MYO18B: variants seen among roughly 807,000 people sequenced by gnomAD.
MYO18B encodes the protein myosin XVIIIB.
A neutral mutation model predicts 273.0 loss-of-function variants in MYO18B; 204 were observed. The observed-to-expected ratio is 0.75, with a 90% CI of 0.67 to 0.84. MYO18B has a LOEUF of 0.84. Among genes scored for constraint, MYO18B ranks in the 40% least tolerant of loss-of-function variants. MYO18B has a pLI of 0.00. For missense variants in MYO18B, 3,212 were observed against 3,287.6 expected (o/e 0.98, Z 0.56); for synonymous variants, 1,330 against 1,305.7 (o/e 1.02, Z -0.40).
Position 25,760,758 on chromosome 22 carries a change from C to T in MYO18B, c.-109-226C>T, listed in dbSNP as rs133877. Among the ~76,000 whole-genome samples the T allele has an allele frequency of 5.0e-3, 762 of 152,340 alleles. 12 individuals carry two copies. The highest frequency in any genetic ancestry group is 0.017 in the African/African-American group (720 of 41,568). ...TGATATATTTTTCTGGTTGTATAAA[C>T]GTGTGGGGCCAAGAGGAAGAATATT... On this transcript the variant is annotated intron_variant, in intron 1 of 43. Coordinates refer to ENST00000335473, the MANE Select transcript of MYO18B (RefSeq NM_032608.7).
the MYO18B span, among the ~76,000 whole-genome samples, chr22:26,050,531 T>C: frequency 3.3e-5 from 5 of 152,168 alleles, no homozygotes; most frequent in African/African-American, 1.2e-4. Flanking sequence ...TCTGGGGATG[T>C]ATCATTATTA....
In MYO18B at chr22:25,769,329, G is replaced by A. The variant is rs2086630038; in HGVS notation, c.1413G>A (p.Leu471=). 2.5e-6 allele frequency: 4 copies of A among 1,578,324 alleles called. No individual in the cohort carries two copies. The highest frequency in any genetic ancestry group is 2.3e-5 in the South Asian group (2 of 85,948). The part of the protein sequence containing the change: ...TELEGPSQPA[L]EKDAERPRIR... The stretch of plus-strand genomic sequence containing the variant: ...TGGAAGGACCCAGCCAGCCTGCTCT[G>A]GAGAAGGATGCAGAAAGGCCTCGGA... Residue 471 remains leucine, a synonymous_variant, in exon 4 of 44, where the codon CTG becomes CTA. Coordinates refer to ENST00000335473, the MANE Select transcript of MYO18B (RefSeq NM_032608.7).
downstream of MYO18B, among the ~76,000 whole-genome samples, chr22:26,034,579 T>C (rs1243994728): frequency 1.3e-5 from 2 of 152,228 alleles, no homozygotes; most frequent in African/African-American, 4.8e-5. Context: ...GCTCCAACCA[T>C]ATGGCTGTGC....
In MYO18B at chr22:25,769,021, C is replaced by A. The variant is rs1357787603; in HGVS notation, c.1105C>A (p.Leu369Met). The A allele has an allele frequency of 6.2e-7, 1 of 1,611,322 alleles. No individual in the cohort carries two copies. Among genetic ancestry groups the A allele is most frequent in the South Asian group, 1.1e-5 (1 of 90,416 alleles). The change falls in exon 4 of 44, where the codon CTG (leucine) becomes ATG (methionine). Residue 369 changes from leucine to methionine, a missense_variant. Leu to Met is a conservative substitution (Grantham distance 15, BLOSUM62 2). Transcript: ENST00000335473. The part of the protein sequence containing the change: ...SQVQGELGDD[L>M]RMGEKAGELR... Reference sequence around the variant, plus strand: ...AGTGCAGGGCGAGTTGGGGGACGATCTGAGAATGGGGGAGAAAGCAGGTGA... The same window carrying A: ...AGTGCAGGGCGAGTTGGGGGACGATATGAGAATGGGGGAGAAAGCAGGTGA...
In MYO18B at chr22:26,003,392, AT is replaced by A; in HGVS notation, c.6332+84del. On this transcript the variant is annotated intron_variant, in intron 41 of 43. Coordinates refer to ENST00000335473, the MANE Select transcript of MYO18B (RefSeq NM_032608.7). ...TGTCCAGTTTGCAGAGGGAACATCC[AT>A]GTCCACTTGGAGAATTATCAGTGAT... 3.3e-6 allele frequency: 4 copies of A among 1,219,714 alleles called. No individual in the cohort carries two copies. The South Asian group carries it at 3.9e-5, about 12-fold the overall frequency. 75.6% of individuals were successfully genotyped at this position (1,219,714 alleles called of 1,614,324 possible). A position where few individuals can be genotyped will look rare whatever the true frequency, so the allele number is the denominator to read the frequency against.
Position 25,763,353 on chromosome 22 carries a change from G to C in MYO18B, c.162G>C (p.Gln54His), listed in dbSNP as rs1440524516. ...AAAAAGAGGCCAAGGAAGCGAGACA[G>C]AGGAAGCAGTTAGCTGTCGCCTCTC... ...GTEKEAKEAR[Q>H]RKQLAVASPE... Residue 54 changes from glutamine to histidine, a missense_variant, in exon 3 of 44, where the codon CAG becomes CAC. By Grantham distance (24) the Gln-to-His change is conservative. Coordinates refer to ENST00000335473, the MANE Select transcript of MYO18B (RefSeq NM_032608.7). 3 of 1,612,718 alleles carry C rather than the reference G, an allele frequency of 1.9e-6. No individual in the cohort carries two copies. Among genetic ancestry groups the C allele is most frequent in the Non-Finnish European group, 2.5e-6 (3 of 1,179,672 alleles).
At chr22:25,967,004 C>T (rs1327448835) in intron 39 of MYO18B, among the ~76,000 whole-genome samples, 1 of 152,154 alleles carries the variant, frequency 6.6e-6, no homozygotes, top group African/African-American at 2.4e-5. Flanking sequence ...CGACTTGTGG[C>T]TTTGTTTCTG....
chr22:25,781,816 G>T lies in MYO18B; in HGVS notation c.2294G>T (p.Gly765Val). The T allele has an allele frequency of 6.3e-7, 1 of 1,587,578 alleles. No individual in the cohort carries two copies. Among genetic ancestry groups the T allele is most frequent in the Non-Finnish European group, 8.6e-7 (1 of 1,168,502 alleles). The change falls in exon 10 of 44, where the codon GGA (glycine) becomes GTA (valine). Residue 765 changes from glycine (G) to valine (V), a missense_variant. Transcript: ENST00000335473. ...NFLVFSQMLAGLDLDLRTELN... is the reference protein window; with the variant it reads ...NFLVFSQMLAVLDLDLRTELN... Reference sequence around the variant, plus strand: ...CTGGTTTTCTCCCAGATGCTGGCTGGATTGGACTTGGATCTCAGGTGAGCA... The same window carrying T: ...CTGGTTTTCTCCCAGATGCTGGCTGTATTGGACTTGGATCTCAGGTGAGCA...
At chr22:25,838,827 G>T (rs1450574346) in intron 17 of MYO18B, among the ~76,000 whole-genome samples, 2 of 152,082 alleles carry the variant, frequency 1.3e-5, no homozygotes, top group African/African-American at 2.4e-5. Context: ...GTGTATGTGT[G>T]TATGTCTGTG....
At chr22:25,869,273 A>T (rs985729797) in intron 22 of MYO18B, among the ~76,000 whole-genome samples, 2 of 151,914 alleles carry the variant, frequency 1.3e-5, no homozygotes, top group Non-Finnish European at 2.9e-5. Context: ...ACATGGTGAA[A>T]CCCCCATCTC....
At chr22:25,937,750 TG>T (rs1381981860) in intron 34 of MYO18B, among the ~76,000 whole-genome samples, 2 of 152,094 alleles carry the variant, frequency 1.3e-5, no homozygotes, top group Non-Finnish European at 2.9e-5. Context: ...CGCGCCTGGC[TG>T]ATTTTGTATT....
chr22:25,758,657 A>G (rs987799032), intron 1 of MYO18B, among the ~76,000 whole-genome samples: 1 of 152,172 alleles, frequency 6.6e-6, no homozygotes, highest in African/African-American at 2.4e-5. Context: ...GGGCAAATTT[A>G]TAGGGATAGA....
intron 40 of MYO18B, among the ~76,000 whole-genome samples, chr22:25,997,633 A>G (rs1269096240): frequency 6.6e-6 from 1 of 152,216 alleles, no homozygotes; most frequent in Admixed American, 6.5e-5. Flanking sequence ...CATTTCAAAG[A>G]ATTAATATTG....
At chr22:25,761,258 A>G (rs1034261072) in intron 2 of MYO18B, 127 bp downstream of exon 2, 14 of 1,066,332 alleles carry the variant, frequency 1.3e-5, no homozygotes, top group African/African-American at 3.1e-5. Flanking sequence ...AGCATGTGCA[A>G]TCCCACCTTC....
intron 11 of MYO18B, among the ~76,000 whole-genome samples, chr22:25,796,460 G>A (rs1333732580): frequency 6.6e-6 from 1 of 152,052 alleles, no homozygotes; most frequent in African/African-American, 2.4e-5. Context: ...TCTGGGCATG[G>A]CAGTGTGCAC....
At chr22:25,744,651 A>G (rs1215532330) in intron 1 of MYO18B, among the ~76,000 whole-genome samples, 4 of 152,100 alleles carry the variant, frequency 2.6e-5, no homozygotes, top group South Asian at 2.1e-4. Context: ...GGAGAATGGC[A>G]TGAACCTGGG....
the MYO18B span, among the ~76,000 whole-genome samples, chr22:26,052,775 T>C: frequency 6.6e-6 from 1 of 151,480 alleles, no homozygotes. Flanking sequence ...AAACATATGT[T>C]GTGAGTTATG....
At chr22:26,022,993 G>A (rs1935937550) in intron 42 of MYO18B, among the ~76,000 whole-genome samples, 3 of 152,170 alleles carry the variant, frequency 2.0e-5, no homozygotes, top group South Asian at 2.1e-4. Context: ...TGGCTACTTC[G>A]CCATGGACCC....
rs192766931 is a variant in MYO18B at position 25,756,995 on chromosome 22, A to G, written c.-109-3989A>G. Among the ~76,000 whole-genome samples, 846 of 152,260 alleles carry G rather than the reference A, an allele frequency of 5.6e-3. 7 individuals are homozygous for G. The highest frequency in any genetic ancestry group is 7.2e-3 in the Non-Finnish European group (493 of 68,022). On this transcript the variant is annotated intron_variant, in intron 1 of 43. Coordinates refer to ENST00000335473, the MANE Select transcript of MYO18B (RefSeq NM_032608.7). ...AGAATCACTTGAACCCAGGAGATGG[A>G]GGTTGCAGTGAGCCGAGATCGTGCC...
Sources: allele counts gnomAD v4.1 joint callset (sites outside exome capture counted in the v4.1 genomes callset), GRCh38; gene constraint gnomAD v4.1.1; transcripts MANE v1.5; gene names NCBI Gene and HGNC (gene_info 2026-07-23, HGNC 2026-07-21).